The following TRMT11 variants were observed in gnomAD, a reference collection of about 807,000 sequenced individuals.
TRMT11 encodes the protein tRNA methyltransferase 11, also known as tRNA (guanine(10)-N(2))-methyltransferase TRMT11.
TRMT11 carries 53 observed loss-of-function variants against 62.8 expected under a neutral mutation model. The observed-to-expected ratio is 0.84, with a 90% CI of 0.68 to 1.06. TRMT11 has a LOEUF of 1.06. TRMT11 is among the 50% of genes least tolerant of loss of function. TRMT11 has a pLI of 0.00. For missense variants in TRMT11, 556 were observed against 553.4 expected (o/e 1.00, Z -0.05); for synonymous variants, 188 against 190.3 (o/e 0.99, Z 0.10).
At chr6:125,993,688 T>C in intron 1 of TRMT11, 69 bp from the exon 2 acceptor site, 1 of 976,730 alleles carries the variant, frequency 1.0e-6, no homozygotes, top group East Asian at 2.5e-5. Context: ...ATGTAATACC[T>C]GTCTCCCTTA....
the TRMT11 span, among the ~76,000 whole-genome samples, chr6:126,223,958 T>G: frequency 6.6e-6 from 1 of 152,256 alleles, no homozygotes; most frequent in South Asian, 2.1e-4. Flanking sequence ...GATTGTATTA[T>G]GAAATTCTTG....
At chr6:126,220,177 G>A in the TRMT11 span, among the ~76,000 whole-genome samples, 50 of 152,334 alleles carry the variant, frequency 3.3e-4, no homozygotes, top group Non-Finnish European at 5.9e-4. Context: ...GGAAAAGCAA[G>A]TTGCCTAGCC....
At chr6:126,010,868 C>G (rs2128816056) in intron 8 of TRMT11, among the ~76,000 whole-genome samples, 1 of 152,194 alleles carries the variant, frequency 6.6e-6, no homozygotes, top group East Asian at 1.9e-4. Context: ...CGGCATTTCC[C>G]AAGTTCGCTC....
At chr6:126,205,940 T>C (rs894624945), downstream of TRMT11, among the ~76,000 whole-genome samples, 46 of 103,448 alleles carry the variant, frequency 4.4e-4, no homozygotes, top group Non-Finnish European at 5.0e-4. Flanking sequence ...CACACACACA[T>C]GCGCGCACAC....
At chr6:126,034,380 T>C (rs998764794) in intron 12 of TRMT11, among the ~76,000 whole-genome samples, 3 of 152,184 alleles carry the variant, frequency 2.0e-5, no homozygotes, top group African/African-American at 7.2e-5. Context: ...ACTTGTGTAT[T>C]TCTTATAATG....
intron 1 of TRMT11, among the ~76,000 whole-genome samples, chr6:125,989,757 T>C (rs931966349): frequency 6.6e-6 from 1 of 152,240 alleles, no homozygotes; most frequent in Non-Finnish European, 1.5e-5. Flanking sequence ...CCCTCATTTT[T>C]CTTAAGATGA....
the TRMT11 span, among the ~76,000 whole-genome samples, chr6:126,241,239 C>G: frequency 1.3e-5 from 2 of 152,186 alleles, no homozygotes; most frequent in East Asian, 3.8e-4. Context: ...TGAGATGAAC[C>G]CGGTACCTCA....
intron 17 of TRMT11, among the ~76,000 whole-genome samples, chr6:126,078,399 T>TG (rs962431117): frequency 1.6e-5 from 2 of 124,994 alleles, no homozygotes; most frequent in African/African-American, 6.2e-5. Context: ...ATTAGAAAGG[T>TG]TTTTTTTTTT....
chr6:126,256,901 T>C, the TRMT11 span, among the ~76,000 whole-genome samples: 2 of 152,146 alleles, frequency 1.3e-5, no homozygotes, highest in African/African-American at 4.8e-5. Flanking sequence ...TTGTTTGTTT[T>C]TCGAGATGGA....
At position 125,986,558 on chromosome 6, in the gene TRMT11, T is replaced by C. The variant is rs1175684817; in HGVS notation, c.8T>C (p.Leu3Pro). MALSCTLNRYLLL... is the reference protein window; with the variant it reads MAPSCTLNRYLLL... ...GCACGGTGGGCAGCTGCAATGGCGC[T>C]GTCGTGTACCCTTAACAGGTATCTG... Residue 3 changes from leucine (L) to proline (P), a missense_variant, in exon 1 of 13, where the codon CTG becomes CCG. Coordinates refer to ENST00000334379, the MANE Select transcript of TRMT11 (RefSeq NM_001031712.3). 5.0e-6 allele frequency: 8 copies of C among 1,590,004 alleles called. No homozygotes were observed. The highest frequency in any genetic ancestry group is 1.7e-4 in the Middle Eastern group (1 of 5,740).
downstream of TRMT11, among the ~76,000 whole-genome samples, chr6:126,040,054 G>A (rs975213908): frequency 2.0e-5 from 3 of 151,990 alleles, no homozygotes; most frequent in Non-Finnish European, 2.9e-5. Flanking sequence ...AGTATTCAAG[G>A]ATGATTTATT....
At chr6:126,194,744 C>T (rs1778645194) in intron 1 of TRMT11, among the ~76,000 whole-genome samples, 2 of 152,118 alleles carry the variant, frequency 1.3e-5, no homozygotes, top group Admixed American at 6.5e-5. Flanking sequence ...CATACCAAGT[C>T]TTCAAAACTT....
intron 17 of TRMT11, among the ~76,000 whole-genome samples, chr6:126,066,326 T>G (rs1216302726): frequency 6.6e-6 from 1 of 152,192 alleles, no homozygotes; most frequent in Non-Finnish European, 1.5e-5. Flanking sequence ...AACAGAATAC[T>G]ATGGACCAAG....
At chr6:126,040,369 G>T (rs1419466185), downstream of TRMT11, among the ~76,000 whole-genome samples, 1 of 152,050 alleles carries the variant, frequency 6.6e-6, no homozygotes, top group Non-Finnish European at 1.5e-5. Context: ...AGGAAGTTCA[G>T]TTTCCCATTC....
chr6:126,262,443 C>T, the TRMT11 span, among the ~76,000 whole-genome samples: 27 of 152,220 alleles, frequency 1.8e-4, no homozygotes, highest in African/African-American at 2.6e-4. Context: ...CAGGTAGCCA[C>T]GGTTGTGGTA....
chr6:126,110,837 A>G (rs1398737345), intron 17 of TRMT11, among the ~76,000 whole-genome samples: 5 of 152,264 alleles, frequency 3.3e-5, no homozygotes, highest in Admixed American at 2.6e-4. Context: ...TTGCATGCCT[A>G]TAGTCCCCTG....
intron 21 of TRMT11, among the ~76,000 whole-genome samples, chr6:126,119,398 A>G (rs996467287): frequency 3.9e-5 from 6 of 151,924 alleles, no homozygotes; most frequent in African/African-American, 1.2e-4. Context: ...CAGTTTCTCT[A>G]ATAAATGGCC....
At chr6:126,199,717 T>A (rs994882043) in intron 2 of TRMT11, 2 of 152,230 alleles carry the variant, frequency 1.3e-5, no homozygotes, top group Non-Finnish European at 2.9e-5. Flanking sequence ...CAGAGGGACA[T>A]GCTAATGTAT....
chr6:126,243,690 A>T, the TRMT11 span, among the ~76,000 whole-genome samples: 1 of 152,186 alleles, frequency 6.6e-6, no homozygotes, highest in Non-Finnish European at 1.5e-5. Flanking sequence ...AAGGACAAAA[A>T]ACTAAACACC....
Sources: gnomAD v4.1 joint callset for allele counts (sites outside exome capture counted in the v4.1 genomes callset) on GRCh38, gnomAD v4.1.1 for gene constraint, MANE v1.5 for transcripts, NCBI Gene and HGNC (gene_info 2026-07-23, HGNC 2026-07-21) for gene names.